Variants in KCNH1 observed in about 807,000 individuals in gnomAD.
The protein encoded by KCNH1 is voltage-gated delayed rectifier potassium channel KCNH1.
A neutral mutation model predicts 69.2 loss-of-function variants in KCNH1; 27 were observed. The observed-to-expected ratio is 0.39, with a 90% CI of 0.29 to 0.54. The LOEUF (loss-of-function observed/expected upper bound fraction) is 0.54. KCNH1 is among the 20% of genes least tolerant of loss of function. The probability of loss-of-function intolerance (pLI) is 0.68; values close to 1 mark genes in which losing one functional copy is unlikely to be tolerated. For missense variants in KCNH1, 798 were observed against 1,261.6 expected, an observed-to-expected ratio of 0.63 and a Z score of 5.57; for synonymous variants, 456 against 487.7, an observed-to-expected ratio of 0.93 and a Z score of 0.86.
intron 7 of KCNH1, among the ~76,000 whole-genome samples, chr1:210,833,602 A>G (rs1558488809): frequency 6.6e-6 from 1 of 152,174 alleles, no homozygotes; most frequent in Non-Finnish European, 1.5e-5. Context: ...CCTAGGCATT[A>G]CCATTCAGGA....
chr1:210,706,783 G>A (rs1681924010), intron 10 of KCNH1, among the ~76,000 whole-genome samples: 1 of 152,226 alleles, frequency 6.6e-6, no homozygotes, highest in Non-Finnish European at 1.5e-5. Flanking sequence ...ATCACCCCAG[G>A]TGGATGCTGT....
At chr1:211,119,187 C>T (rs1488474089) in intron 1 of KCNH1, among the ~76,000 whole-genome samples, 4 of 152,006 alleles carry the variant, frequency 2.6e-5, no homozygotes, top group Non-Finnish European at 4.4e-5. Flanking sequence ...GGTGAAACTC[C>T]ATCTCTACTA....
At chr1:210,755,046 G>T (rs1395011157) in intron 10 of KCNH1, among the ~76,000 whole-genome samples, 1 of 152,122 alleles carries the variant, frequency 6.6e-6, no homozygotes, top group Non-Finnish European at 1.5e-5. Flanking sequence ...AGTAGTCGAA[G>T]CTCATGCAGT....
intron 10 of KCNH1, among the ~76,000 whole-genome samples, chr1:210,726,203 C>T (rs1336986081): frequency 6.6e-6 from 1 of 152,134 alleles, no homozygotes; most frequent in Admixed American, 6.5e-5. Context: ...ATCCTGGTAT[C>T]AGCTCCTGAC....
At chr1:211,033,379 A>G (rs1689829858) in intron 5 of KCNH1, among the ~76,000 whole-genome samples, 2 of 152,222 alleles carry the variant, frequency 1.3e-5, no homozygotes, top group South Asian at 2.1e-4. Context: ...ATCTAGAACT[A>G]GAAATACCAT....
chr1:211,093,932 C>A (rs1387936286), intron 3 of KCNH1, among the ~76,000 whole-genome samples: 1 of 152,160 alleles, frequency 6.6e-6, no homozygotes, highest in African/African-American at 2.4e-5. Context: ...GAGAAGCCTG[C>A]AGTTCTCCAG....
chr1:210,685,386 ACT>A (rs1558422147), intron 10 of KCNH1, among the ~76,000 whole-genome samples: 1 of 151,926 alleles, frequency 6.6e-6, no homozygotes, highest in Non-Finnish European at 1.5e-5. Context: ...AATCTGGAAA[ACT>A]CTGTGCCCTG....
intron 6 of KCNH1, among the ~76,000 whole-genome samples, chr1:210,955,820 T>A (rs903421839): frequency 1.1e-4 from 16 of 152,184 alleles, no homozygotes; most frequent in Non-Finnish European, 1.6e-4. Flanking sequence ...GATGGGGTTT[T>A]CTAAATATAT....
At chr1:211,058,375 G>C (rs1024674446) in intron 5 of KCNH1, among the ~76,000 whole-genome samples, 1 of 151,990 alleles carries the variant, frequency 6.6e-6, no homozygotes, top group African/African-American at 2.4e-5. Context: ...ACTAAAAGTT[G>C]AACCAATAAA....
chr1:210,889,244 T>C (rs1353987056), intron 7 of KCNH1, among the ~76,000 whole-genome samples: 1 of 152,164 alleles, frequency 6.6e-6, no homozygotes, highest in Admixed American at 6.5e-5. Flanking sequence ...GCAAGGCTGA[T>C]TCAACATACA....
intron 3 of KCNH1, among the ~76,000 whole-genome samples, chr1:211,093,648 TG>T (rs1212240577): frequency 1.3e-5 from 2 of 152,216 alleles, no homozygotes; most frequent in Non-Finnish European, 2.9e-5. Flanking sequence ...ATATATATCT[TG>T]TAACAAAAAT....
chr1:210,685,112 C>A (rs983589135), intron 10 of KCNH1, among the ~76,000 whole-genome samples: 3 of 152,192 alleles, frequency 2.0e-5, no homozygotes, highest in African/African-American at 7.2e-5. Context: ...GCCCTGAGTG[C>A]AGCATAAGCC....
At chr1:210,775,807 T>C (rs1474956423) in intron 9 of KCNH1, among the ~76,000 whole-genome samples, 1 of 152,232 alleles carries the variant, frequency 6.6e-6, no homozygotes, top group Non-Finnish European at 1.5e-5. Flanking sequence ...GTTATCTTGA[T>C]CATGCTATCC....
At chr1:210,755,390 AG>A (rs1367034741) in intron 10 of KCNH1, among the ~76,000 whole-genome samples, 2 of 152,210 alleles carry the variant, frequency 1.3e-5, no homozygotes, top group African/African-American at 2.4e-5. Flanking sequence ...GAAATGTCAG[AG>A]AAGAATTAGG....
chr1:210,987,632 G>T (rs534235265), intron 6 of KCNH1, among the ~76,000 whole-genome samples: 1 of 152,140 alleles, frequency 6.6e-6, no homozygotes, highest in South Asian at 2.1e-4. Context: ...CTGCCTGATC[G>T]TTCCTCTGGA....
At chr1:210,881,206 T>C (rs1156396621) in intron 7 of KCNH1, among the ~76,000 whole-genome samples, 1 of 152,148 alleles carries the variant, frequency 6.6e-6, no homozygotes, top group Non-Finnish European at 1.5e-5. Context: ...TTTCACTACA[T>C]TGCCCAGGCT....
At chr1:210,904,885 G>T (rs902177271) in intron 7 of KCNH1, among the ~76,000 whole-genome samples, 2 of 152,120 alleles carry the variant, frequency 1.3e-5, no homozygotes, top group Non-Finnish European at 2.9e-5. Flanking sequence ...GCTCAGAAAA[G>T]AACACCTAGC....
At chr1:211,071,413 G>GAACT (rs1690640329) in intron 5 of KCNH1, among the ~76,000 whole-genome samples, 1 of 152,176 alleles carries the variant, frequency 6.6e-6, no homozygotes, top group African/African-American at 2.4e-5. Context: ...CTAGAGAGAA[G>GAACT]AACTGTTCAG....
chr1:211,071,094 TA>T (rs1326989141), intron 5 of KCNH1, among the ~76,000 whole-genome samples: 1 of 152,214 alleles, frequency 6.6e-6, no homozygotes, highest in African/African-American at 2.4e-5. Context: ...AATAAAATGT[TA>T]CTAACAAAAT....
Sources: allele counts gnomAD v4.1 joint callset (sites outside exome capture counted in the v4.1 genomes callset), GRCh38; gene constraint gnomAD v4.1.1; transcripts MANE v1.5; gene names NCBI Gene and HGNC (gene_info 2026-07-23, HGNC 2026-07-21).